TRDN: variants seen among roughly 807,000 people sequenced by gnomAD.
The protein encoded by TRDN is triadin in skeletal muscle.
Under a neutral mutation model 149.7 loss-of-function variants are expected in TRDN, and 161 were observed. That is an observed-to-expected ratio of 1.08 (90% CI 0.95 to 1.23). The LOEUF (loss-of-function observed/expected upper bound fraction) is 1.23, where lower values mean the gene tolerates loss of function less well. Among genes scored for constraint, TRDN ranks in the 50% most tolerant of loss-of-function variants. The pLI, the probability that TRDN is intolerant of heterozygous loss-of-function variation, is 0.00. For missense variants in TRDN, 896 were observed against 823.5 expected (o/e 1.09, Z -1.08); for synonymous variants, 294 against 250.5 (o/e 1.17, Z -1.64).
Position 123,636,887 on chromosome 6 carries a change from C to G in TRDN, c.-112G>C. The G allele has an allele frequency of 7.8e-7, 1 of 1,283,438 alleles. No individual in the cohort carries two copies. The highest frequency in any genetic ancestry group is 1.2e-5 in the South Asian group (1 of 81,354). 79.5% of individuals were successfully genotyped at this position (1,283,438 alleles called of 1,614,324 possible). ...AGGGTTCTGTGTCAAAACCTGGGGG[C>G]TCTTCGTTTTCCTGGCTGTTTCTGC... On this transcript the variant is annotated 5_prime_UTR_variant, in exon 1 of 41. Transcript: ENST00000334268.
In TRDN at chr6:123,609,841, C is replaced by A. The variant is rs915992679; in HGVS notation, c.22+26913G>T. 1.4e-4 allele frequency among the ~76,000 whole-genome samples: 21 copies of A among 152,224 alleles called. No homozygotes were observed. In the Middle Eastern group the frequency reaches 0.01, roughly 74 times the overall value. On this transcript the variant is annotated intron_variant, in intron 1 of 40. Coordinates refer to ENST00000334268, the MANE Select transcript of TRDN (RefSeq NM_006073.4). ...AGATATATTACATTAAAATTCCTGT[C>A]TTTCCACCCTACCAGTCTCTATTCC...
intron 40 of TRDN, among the ~76,000 whole-genome samples, chr6:123,221,044 C>G (rs145931986): frequency 3.8e-4 from 58 of 151,890 alleles, no homozygotes; most frequent in Non-Finnish European, 6.6e-4. Flanking sequence ...TACCATACAT[C>G]TAGCAAAATC....
At chr6:123,578,509 T>A (rs564582760) in intron 1 of TRDN, among the ~76,000 whole-genome samples, 5 of 152,240 alleles carry the variant, frequency 3.3e-5, no homozygotes, top group African/African-American at 1.2e-4. Flanking sequence ...GTTCCATTGG[T>A]CTATGTGACT....
intron 12 of TRDN, among the ~76,000 whole-genome samples, chr6:123,423,896 A>C (rs1933898): frequency 0.89 from 135,233 of 152,104 alleles, 60,327 homozygotes; most frequent in East Asian, 0.99. Flanking sequence ...TTACTTAAAG[A>C]CTATGGACAG....
intron 33 of TRDN, 21 bp from the exon 34 acceptor site, chr6:123,260,659 A>AAT: frequency 1.4e-6 from 2 of 1,446,662 alleles, no homozygotes; most frequent in Non-Finnish European, 1.8e-6. Flanking sequence ...AAAAAAAAAA[A>AAT]GAATGTAGAA....
At chr6:123,477,962 TGAC>T (rs1335177502) in intron 9 of TRDN, among the ~76,000 whole-genome samples, 1 of 151,684 alleles carries the variant, frequency 6.6e-6, no homozygotes, top group African/African-American at 2.4e-5. Context: ...TAACGCGAGA[TGAC>T]GAGTTAGTGG....
At chr6:123,431,673 C>T (rs185322123) in intron 12 of TRDN, among the ~76,000 whole-genome samples, 9 of 152,104 alleles carry the variant, frequency 5.9e-5, no homozygotes, top group Non-Finnish European at 2.9e-5. Context: ...AACATGAATA[C>T]ATATGAAAGA....
chr6:123,253,036 T>C (rs938653728), intron 37 of TRDN, among the ~76,000 whole-genome samples: 3 of 152,112 alleles, frequency 2.0e-5, no homozygotes, highest in African/African-American at 7.2e-5. Context: ...TCATTTAGAA[T>C]TATTTTTCTT....
chr6:123,382,838 G>T (rs2043148), intron 14 of TRDN, among the ~76,000 whole-genome samples: 53,583 of 151,712 alleles, frequency 0.35, 10,520 homozygotes, highest in East Asian at 0.81. Flanking sequence ...GAAACTTTCT[G>T]CTCCCACCAC....
At chr6:123,578,309 A>G (rs1396256161) in intron 1 of TRDN, among the ~76,000 whole-genome samples, 1 of 152,078 alleles carries the variant, frequency 6.6e-6, no homozygotes, top group East Asian at 1.9e-4. Flanking sequence ...TGATTTTTGT[A>G]TAAGGTGTAA....
intron 5 of TRDN, chr6:123,529,471 G>A (rs1780120755): frequency 3.0e-6 from 3 of 1,011,016 alleles, no homozygotes; most frequent in Non-Finnish European, 3.0e-6. Flanking sequence ...CATAATATCT[G>A]TAGAATGATT....
intron 20 of TRDN, among the ~76,000 whole-genome samples, chr6:123,358,275 C>T (rs1780763079): frequency 6.6e-6 from 1 of 152,122 alleles, no homozygotes; most frequent in African/African-American, 2.4e-5. Flanking sequence ...GTATGTAATG[C>T]CCAGATTAGG....
At chr6:123,454,485 A>G (rs991524493) in intron 10 of TRDN, among the ~76,000 whole-genome samples, 4 of 152,148 alleles carry the variant, frequency 2.6e-5, no homozygotes, top group African/African-American at 9.7e-5. Flanking sequence ...ACTAGAATAT[A>G]CTTCATTCTC....
chr6:123,464,829 C>A lies in TRDN; in HGVS notation c.931+77G>T, dbSNP rs994854252. ...ATTGGATTTTGCTGTTTCTTTGTGA[C>A]TATTTTTGTTGTTGCTGTTCCTCTA... is the stretch of plus-strand genomic sequence containing the variant. On this transcript the variant is annotated intron_variant, in intron 10 of 40. Coordinates refer to ENST00000334268, the MANE Select transcript of TRDN (RefSeq NM_006073.4). 3.9e-6 allele frequency: 6 copies of A among 1,524,036 alleles called. No individual in the cohort carries two copies. The African/African-American group carries it at 8.4e-5, about 21-fold the overall frequency. 94.4% of individuals were successfully genotyped at this position (1,524,036 alleles called of 1,614,324 possible). A position where few individuals can be genotyped will look rare whatever the true frequency, so the allele number is the denominator to read the frequency against.
At chr6:123,425,891 A>T (rs930308103) in intron 12 of TRDN, among the ~76,000 whole-genome samples, 1 of 150,750 alleles carries the variant, frequency 6.6e-6, no homozygotes, top group Non-Finnish European at 1.5e-5. Context: ...TCTATCATCT[A>T]TCTATCTATC....
At chr6:123,582,514 G>T (rs1414458933) in intron 1 of TRDN, among the ~76,000 whole-genome samples, 1 of 144,356 alleles carries the variant, frequency 6.9e-6, no homozygotes, top group East Asian at 2.2e-4. Flanking sequence ...TTCTCTGGCA[G>T]GCAGGAGTGG....
intron 38 of TRDN, among the ~76,000 whole-genome samples, chr6:123,235,657 G>C (rs1444095229): frequency 2.0e-5 from 3 of 152,046 alleles, no homozygotes; most frequent in Admixed American, 2.0e-4. Context: ...GACACGTATA[G>C]ATGTGTGTGA....
chr6:123,261,593 C>T (rs1162359951), intron 33 of TRDN, among the ~76,000 whole-genome samples: 4 of 151,546 alleles, frequency 2.6e-5, no homozygotes, highest in Admixed American at 6.6e-5. Context: ...AGAAATATCT[C>T]TCATAAAATA....
intron 38 of TRDN, among the ~76,000 whole-genome samples, chr6:123,251,124 T>C (rs561877585): frequency 6.6e-6 from 1 of 152,260 alleles, no homozygotes; most frequent in South Asian, 2.1e-4. Context: ...CTATACATTT[T>C]GTCCTTGCCA....
Sources: allele counts gnomAD v4.1 joint callset (sites outside exome capture counted in the v4.1 genomes callset), GRCh38; gene constraint gnomAD v4.1.1; transcripts MANE v1.5; gene names NCBI Gene and HGNC (gene_info 2026-07-23, HGNC 2026-07-21).